BRD10: variants seen among roughly 807,000 people sequenced by gnomAD.
BRD10 encodes the protein uncharacterized bromodomain-containing protein 10.
At chr9:6,008,214 CCGGAGGGGG>C in the BRD10 span, 1 of 977,488 alleles carries the variant, frequency 1.0e-6, no homozygotes, top group East Asian at 1.1e-4. Flanking sequence ...TCTCCCCTCC[CCGGAGGGGG>C]CCGCAGCGGC....
chr9:5,921,143 A>C, the BRD10 span: 4 of 1,613,928 alleles, frequency 2.5e-6, no homozygotes, highest in Non-Finnish European at 3.4e-6. Context: ...ACTTGTTGAC[A>C]ATGGCAAAAT....
chr9:5,919,852 A>G, the BRD10 span: 1 of 1,613,942 alleles, frequency 6.2e-7, no homozygotes, highest in Non-Finnish European at 8.5e-7. Context: ...CTTCTGGGCT[A>G]ACCAACAATT....
At chr9:5,946,311 T>A in the BRD10 span, among the ~76,000 whole-genome samples, 1 of 152,108 alleles carries the variant, frequency 6.6e-6, no homozygotes. Context: ...TGTATTTAAA[T>A]AACCCAGATT....
At chr9:5,989,599 T>C in the BRD10 span, among the ~76,000 whole-genome samples, 1 of 151,128 alleles carries the variant, frequency 6.6e-6, no homozygotes, top group African/African-American at 2.4e-5. Context: ...TGCAGTGGTA[T>C]GATCCTGCAG....
At chr9:5,965,292 AAAAAAAGCTGTGTT>A in the BRD10 span, among the ~76,000 whole-genome samples, 1 of 152,012 alleles carries the variant, frequency 6.6e-6, no homozygotes, top group Non-Finnish European at 1.5e-5. Flanking sequence ...TCATTACTCG[AAAAAAAGCTGTGTT>A]AAAATAAATT....
chr9:5,959,358 G>A, the BRD10 span, among the ~76,000 whole-genome samples: 51 of 152,120 alleles, frequency 3.4e-4, no homozygotes, highest in African/African-American at 1.2e-3. Flanking sequence ...TGTGACTTTG[G>A]ACAAATAAAT....
the BRD10 span, among the ~76,000 whole-genome samples, chr9:5,918,401 T>C: frequency 6.6e-6 from 1 of 152,152 alleles, no homozygotes; most frequent in African/African-American, 2.4e-5. Flanking sequence ...CCAATAAATA[T>C]AAAAGCTACC....
chr9:5,984,765 G>A, the BRD10 span, among the ~76,000 whole-genome samples: 1 of 151,638 alleles, frequency 6.6e-6, no homozygotes, highest in Non-Finnish European at 1.5e-5. Context: ...AGGGAAAAAG[G>A]TAACCAAATA....
the BRD10 span, among the ~76,000 whole-genome samples, chr9:5,991,774 G>A: frequency 7.0e-6 from 1 of 143,872 alleles, no homozygotes; most frequent in Non-Finnish European, 1.5e-5. Context: ...ACCTTGCTCT[G>A]TCTCCTCCAA....
At chr9:5,939,587 G>A in the BRD10 span, among the ~76,000 whole-genome samples, 1 of 152,182 alleles carries the variant, frequency 6.6e-6, no homozygotes, top group Non-Finnish European at 1.5e-5. Flanking sequence ...TTCTCTCTAT[G>A]ATGGGATCTG....
the BRD10 span, among the ~76,000 whole-genome samples, chr9:5,965,885 A>G: frequency 6.6e-6 from 1 of 152,222 alleles, no homozygotes; most frequent in African/African-American, 2.4e-5. Context: ...AGCCTCAGAT[A>G]GACAAGTGGA....
At chr9:5,895,260 C>G in the BRD10 span, among the ~76,000 whole-genome samples, 1 of 152,102 alleles carries the variant, frequency 6.6e-6, no homozygotes, top group African/African-American at 2.4e-5. Flanking sequence ...GGAGATCGGT[C>G]CAGAAAATAA....
At chr9:5,953,316 A>G in the BRD10 span, among the ~76,000 whole-genome samples, 4 of 152,180 alleles carry the variant, frequency 2.6e-5, no homozygotes, top group South Asian at 4.1e-4. Flanking sequence ...GTTTTTAAAG[A>G]AAGTGTTTAT....
At chr9:5,986,887 A>T in the BRD10 span, among the ~76,000 whole-genome samples, 1 of 152,202 alleles carries the variant, frequency 6.6e-6, no homozygotes, top group African/African-American at 2.4e-5. Context: ...AATTTATTCA[A>T]AATGAATTCA....
At chr9:5,924,517 T>C in the BRD10 span, 14 of 468,590 alleles carry the variant, frequency 3.0e-5, no homozygotes, top group Admixed American at 4.4e-4. Context: ...CTTATAAGGA[T>C]GTGGACACTA....
At chr9:5,923,112 C>G in the BRD10 span, 1 of 1,613,970 alleles carries the variant, frequency 6.2e-7, no homozygotes, top group African/African-American at 1.3e-5. Context: ...AGATTCTCAA[C>G]TGTTGTCTCA....
chr9:5,976,200 T>C, the BRD10 span, among the ~76,000 whole-genome samples: 1 of 152,020 alleles, frequency 6.6e-6, no homozygotes, highest in African/African-American at 2.4e-5. Context: ...GTGTGTAAAA[T>C]AAAATAAGTC....
At chr9:5,997,697 T>C in the BRD10 span, among the ~76,000 whole-genome samples, 1 of 152,176 alleles carries the variant, frequency 6.6e-6, no homozygotes. Flanking sequence ...AGAAAAAAAT[T>C]AAGCTGGATT....
the BRD10 span, among the ~76,000 whole-genome samples, chr9:5,960,672 T>G: frequency 4.6e-5 from 7 of 152,328 alleles, no homozygotes; most frequent in Middle Eastern, 6.8e-3. Context: ...TTTTTGTAAC[T>G]GTTAATGCGT....
Sources: allele counts gnomAD v4.1 joint callset (sites outside exome capture counted in the v4.1 genomes callset), GRCh38; gene constraint gnomAD v4.1.1; transcripts MANE v1.5; gene names NCBI Gene and HGNC (gene_info 2026-07-23, HGNC 2026-07-21).